Variants in HMBOX1 observed in about 807,000 individuals in gnomAD.
HMBOX1 encodes the protein homeobox containing 1, also known as homeobox-containing protein 1.
A neutral mutation model predicts 54.5 loss-of-function variants in HMBOX1; 14 were observed. That is an observed-to-expected ratio of 0.26 (90% CI 0.17 to 0.40). HMBOX1 has a LOEUF of 0.40. Ranked by LOEUF, HMBOX1 falls within the 10% of genes least tolerant of loss-of-function variation. HMBOX1 has a pLI of 1.00. For synonymous variants in HMBOX1, 160 were observed against 181.0 expected (o/e 0.88, Z 0.93); for missense variants, 332 against 514.4 (o/e 0.65, Z 3.43).
intron 3 of HMBOX1, among the ~76,000 whole-genome samples, chr8:28,972,554 T>G (rs925711875): frequency 6.6e-6 from 1 of 152,226 alleles, no homozygotes; most frequent in Non-Finnish European, 1.5e-5. Flanking sequence ...TGTAACAAGA[T>G]TAGCTTTTAA....
chr8:28,912,368 A>C lies in HMBOX1; in HGVS notation c.-58+21690A>C, dbSNP rs370160166. Among the ~76,000 whole-genome samples the C allele has an allele frequency of 1.4e-3, 211 of 152,278 alleles. 1 individual carries two copies. Among genetic ancestry groups the C allele is most frequent in the African/African-American group, 4.8e-3 (201 of 41,532 alleles). On this transcript the variant is annotated intron_variant, in intron 1 of 9. Coordinates refer to ENST00000287701, the MANE Select transcript of HMBOX1 (RefSeq NM_001135726.3). ...AGAATCTCGAGTGTTTCCCATCTTA[A>C]AAAGAAAACACAAGCTCCCTCAACC...
At chr8:28,908,901 C>CA (rs1396384696) in intron 1 of HMBOX1, among the ~76,000 whole-genome samples, 1 of 152,054 alleles carries the variant, frequency 6.6e-6, no homozygotes. Flanking sequence ...TGAGACCAAC[C>CA]AGCCTGGGCC....
intron 6 of HMBOX1, among the ~76,000 whole-genome samples, chr8:29,024,972 C>T (rs556997343): frequency 1.1e-4 from 17 of 152,132 alleles, no homozygotes; most frequent in Admixed American, 6.5e-4. Context: ...CCCTACCCCC[C>T]ACCCCGTCGG....
chr8:28,896,794 A>G (rs944546318), intron 1 of HMBOX1, among the ~76,000 whole-genome samples: 1 of 152,218 alleles, frequency 6.6e-6, no homozygotes, highest in Admixed American at 6.5e-5. Context: ...CTCAACAATG[A>G]AATTGCCTAA....
intron 5 of HMBOX1, among the ~76,000 whole-genome samples, chr8:29,015,144 A>G (rs942994679): frequency 3.9e-5 from 6 of 152,150 alleles, no homozygotes; most frequent in African/African-American, 7.2e-5. Context: ...AAAGAAGCAT[A>G]ATATTAATAA....
chr8:28,961,484 T>C (rs1380475275), intron 1 of HMBOX1, among the ~76,000 whole-genome samples: 1 of 152,232 alleles, frequency 6.6e-6, no homozygotes, highest in Non-Finnish European at 1.5e-5. Context: ...TTGGGTTGTT[T>C]CGCTTAGCAT....
intron 5 of HMBOX1, among the ~76,000 whole-genome samples, chr8:29,017,986 T>C (rs935663889): frequency 2.0e-5 from 3 of 152,194 alleles, no homozygotes; most frequent in African/African-American, 7.2e-5. Flanking sequence ...AGAGAATTTT[T>C]TGAAGGTTTT....
intron 6 of HMBOX1, among the ~76,000 whole-genome samples, chr8:29,030,048 C>T (rs1802685934): frequency 6.6e-6 from 1 of 151,432 alleles, no homozygotes; most frequent in Non-Finnish European, 1.5e-5. Context: ...TTTTTCTTTT[C>T]TTTTACACTT....
intron 1 of HMBOX1, among the ~76,000 whole-genome samples, chr8:28,924,935 A>G (rs946330151): frequency 1.4e-5 from 2 of 147,412 alleles, no homozygotes; most frequent in Admixed American, 1.4e-4. Flanking sequence ...TTTTTTTCTA[A>G]TAGTTGAAGA....
intron 1 of HMBOX1, among the ~76,000 whole-genome samples, chr8:28,939,039 C>T (rs2131993957): frequency 6.6e-6 from 1 of 152,222 alleles, no homozygotes; most frequent in African/African-American, 2.4e-5. Context: ...CCTGTAATCC[C>T]AGCCCTTTGG....
At chr8:28,929,355 T>C (rs189686069) in intron 1 of HMBOX1, among the ~76,000 whole-genome samples, 1 of 152,206 alleles carries the variant, frequency 6.6e-6, no homozygotes, top group East Asian at 1.9e-4. Context: ...AGAATGATTG[T>C]GAGAAGGGAA....
At chr8:29,050,511 T>A (rs976047020) in intron 9 of HMBOX1, 3 of 146,936 alleles carry the variant, frequency 2.0e-5, no homozygotes, top group Non-Finnish European at 4.4e-5. Flanking sequence ...GAATTCTTTT[T>A]TTCTTTTTTT....
At chr8:28,929,004 A>G (rs1050545009) in intron 1 of HMBOX1, among the ~76,000 whole-genome samples, 4 of 152,368 alleles carry the variant, frequency 2.6e-5, no homozygotes, top group Non-Finnish European at 4.4e-5. Flanking sequence ...CTTAATGTAC[A>G]TAATGGTAAC....
At chr8:29,019,445 A>C (rs1222334965) in intron 6 of HMBOX1, among the ~76,000 whole-genome samples, 1 of 152,132 alleles carries the variant, frequency 6.6e-6, no homozygotes, top group African/African-American at 2.4e-5. Context: ...CCGTAGCTTC[A>C]ATTTTCCTAT....
chr8:29,024,791 A>C (rs573104427), intron 6 of HMBOX1, among the ~76,000 whole-genome samples: 1 of 152,148 alleles, frequency 6.6e-6, no homozygotes, highest in Non-Finnish European at 1.5e-5. Flanking sequence ...CCCATATGCA[A>C]ATGGATTAGA....
At chr8:28,925,655 T>C (rs926354815) in intron 1 of HMBOX1, among the ~76,000 whole-genome samples, 4 of 152,168 alleles carry the variant, frequency 2.6e-5, no homozygotes, top group African/African-American at 7.2e-5. Context: ...AAAAAATCTC[T>C]CTCATTATTT....
At chr8:28,949,294 G>A (rs1319245077) in intron 1 of HMBOX1, among the ~76,000 whole-genome samples, 1 of 152,152 alleles carries the variant, frequency 6.6e-6, no homozygotes, top group Non-Finnish European at 1.5e-5. Flanking sequence ...GTATTTTTTA[G>A]CTACCTTGGT....
At chr8:28,939,624 C>T (rs1210271571) in intron 1 of HMBOX1, among the ~76,000 whole-genome samples, 1 of 152,052 alleles carries the variant, frequency 6.6e-6, no homozygotes. Context: ...ATTCTCCTGC[C>T]TCAGCCTCCC....
intron 3 of HMBOX1, among the ~76,000 whole-genome samples, chr8:28,973,808 T>TTTTTTTTTTTTTTTTG (rs1827867660): frequency 1.3e-4 from 1 of 7,878 alleles, no homozygotes; most frequent in Admixed American, 1.9e-3. Flanking sequence ...ATGGAGTTTT[T>TTTTTTTTTTTTTTTTG]TTTTTTTTTT....
Sources: gnomAD v4.1 joint callset for allele counts (sites outside exome capture counted in the v4.1 genomes callset) on GRCh38, gnomAD v4.1.1 for gene constraint, MANE v1.5 for transcripts, NCBI Gene and HGNC (gene_info 2026-07-23, HGNC 2026-07-21) for gene names.